Variants in ERC2 observed in about 807,000 individuals in gnomAD.
ERC2 encodes ERC protein 2.
In ERC2, 42 loss-of-function variants were observed where a neutral mutation model predicts 114.8. The observed-to-expected ratio is 0.37, with a 90% CI of 0.29 to 0.47. The LOEUF (loss-of-function observed/expected upper bound fraction) is 0.47, where lower values mean the gene tolerates loss of function less well. Ranked by LOEUF, ERC2 falls within the 20% of genes least tolerant of loss-of-function variation. ERC2 has a pLI of 0.99. For synonymous variants in ERC2, 454 were observed against 425.5 expected (o/e 1.07, Z -0.82); for missense variants, 939 against 1,150.7 (o/e 0.82, Z 2.66).
At chr3:56,178,419 A>G (rs1178526977) in intron 3 of ERC2, among the ~76,000 whole-genome samples, 2 of 152,196 alleles carry the variant, frequency 1.3e-5, no homozygotes, top group African/African-American at 4.8e-5. Context: ...TTCTTGCACA[A>G]GAGCAAGAAA....
At chr3:55,714,677 A>G (rs1212837683) in intron 15 of ERC2, among the ~76,000 whole-genome samples, 120 of 8,270 alleles carry the variant, frequency 0.015, no homozygotes, top group African/African-American at 0.036. Context: ...GTATATATAT[A>G]TATATATATA....
chr3:56,087,881 AG>A (rs1406810052), intron 6 of ERC2, among the ~76,000 whole-genome samples: 13 of 152,200 alleles, frequency 8.5e-5, no homozygotes, highest in African/African-American at 3.1e-4. Context: ...CAAAGTTGGA[AG>A]TACGCATAAT....
intron 17 of ERC2, among the ~76,000 whole-genome samples, chr3:55,610,002 G>T (rs1367525719): frequency 6.7e-6 from 1 of 150,056 alleles, no homozygotes; most frequent in South Asian, 2.1e-4. Flanking sequence ...GCATCAAAAT[G>T]GGGCATTTTC....
intron 12 of ERC2, among the ~76,000 whole-genome samples, chr3:55,957,014 A>G (rs2068004778): frequency 6.6e-6 from 1 of 152,218 alleles, no homozygotes; most frequent in Non-Finnish European, 1.5e-5. Context: ...TACTTAAAAA[A>G]GACATCATTT....
intron 1 of ERC2, among the ~76,000 whole-genome samples, chr3:56,454,595 TAAAAA>T (rs959351176): frequency 4.6e-5 from 7 of 152,038 alleles, no homozygotes; most frequent in East Asian, 1.9e-4. Context: ...TATTCATCCT[TAAAAA>T]AGAAATGAGG....
At chr3:56,216,856 T>C (rs2049515811) in intron 3 of ERC2, among the ~76,000 whole-genome samples, 1 of 152,188 alleles carries the variant, frequency 6.6e-6, no homozygotes. Flanking sequence ...TCAATAAAAA[T>C]AATCCAGCAT....
At chr3:55,572,241 G>A (rs1415879933) in intron 17 of ERC2, among the ~76,000 whole-genome samples, 1 of 152,182 alleles carries the variant, frequency 6.6e-6, no homozygotes, top group East Asian at 1.9e-4. Flanking sequence ...TGGCCTGGGA[G>A]ACAGGCAGGC....
intron 2 of ERC2, among the ~76,000 whole-genome samples, chr3:56,300,692 T>C (rs2055813833): frequency 6.6e-6 from 1 of 152,240 alleles, no homozygotes; most frequent in Non-Finnish European, 1.5e-5. Context: ...GCAACTGTTA[T>C]GATCTCCACT....
At chr3:55,888,572 T>C (rs1370089053) in intron 13 of ERC2, 23 bp from the exon 14 acceptor site, 19 of 1,611,614 alleles carry the variant, frequency 1.2e-5, no homozygotes, top group African/African-American at 8.0e-5. Context: ...TGGAGCTCTG[T>C]GTGTTATTTC....
At chr3:56,234,203 A>G (rs2050798488) in intron 3 of ERC2, among the ~76,000 whole-genome samples, 1 of 152,222 alleles carries the variant, frequency 6.6e-6, no homozygotes, top group Non-Finnish European at 1.5e-5. Context: ...CAAGACAAAG[A>G]GTAGCAGCAT....
At chr3:56,130,395 A>T (rs951174178) in intron 6 of ERC2, among the ~76,000 whole-genome samples, 1 of 152,200 alleles carries the variant, frequency 6.6e-6, no homozygotes, top group Non-Finnish European at 1.5e-5. Flanking sequence ...AATTTTCCTA[A>T]TCCATTTAGT....
intron 4 of ERC2, among the ~76,000 whole-genome samples, chr3:56,155,276 T>C (rs1401291911): frequency 1.3e-5 from 2 of 150,308 alleles, no homozygotes; most frequent in African/African-American, 4.9e-5. Flanking sequence ...CTTTTAACTC[T>C]AGGAAGGCCA....
chr3:55,954,507 T>A (rs996579999), intron 12 of ERC2, among the ~76,000 whole-genome samples: 4 of 152,162 alleles, frequency 2.6e-5, no homozygotes, highest in Non-Finnish European at 4.4e-5. Flanking sequence ...TAGAATTACA[T>A]AGCTAGGAGT....
chr3:56,051,406 T>C (rs983774909), intron 7 of ERC2, among the ~76,000 whole-genome samples: 17 of 152,102 alleles, frequency 1.1e-4, no homozygotes, highest in African/African-American at 2.7e-4. Flanking sequence ...TCACACATAT[T>C]TTTTAGAAAA....
At chr3:55,931,753 T>A (rs577888773) in intron 13 of ERC2, among the ~76,000 whole-genome samples, 11 of 145,732 alleles carry the variant, frequency 7.5e-5, no homozygotes, top group East Asian at 2.0e-4. Flanking sequence ...AAGTATAATT[T>A]AAAAAAAAAA....
At chr3:55,730,836 G>C (rs2065212232) in intron 15 of ERC2, among the ~76,000 whole-genome samples, 1 of 152,200 alleles carries the variant, frequency 6.6e-6, no homozygotes, top group Non-Finnish European at 1.5e-5. Context: ...GGGTGACAGT[G>C]AGACCATGTC....
intron 17 of ERC2, among the ~76,000 whole-genome samples, chr3:55,543,159 G>A (rs2054511557): frequency 6.6e-6 from 1 of 152,078 alleles, no homozygotes; most frequent in Admixed American, 6.5e-5. Context: ...CTCGTCTCTG[G>A]GGGAGTGGAG....
chr3:55,753,999 T>C (rs2066889894), intron 14 of ERC2, among the ~76,000 whole-genome samples: 1 of 152,182 alleles, frequency 6.6e-6, no homozygotes, highest in Non-Finnish European at 1.5e-5. Flanking sequence ...TGAGGTATTA[T>C]ATAAGATAAA....
chr3:55,553,091 G>C (rs1052566202), intron 17 of ERC2, among the ~76,000 whole-genome samples: 1 of 127,710 alleles, frequency 7.8e-6, no homozygotes, highest in African/African-American at 2.9e-5. Context: ...GTGCAATCTC[G>C]GCTCACTGCA....
Sources: allele counts gnomAD v4.1 joint callset (sites outside exome capture counted in the v4.1 genomes callset), GRCh38; gene constraint gnomAD v4.1.1; transcripts MANE v1.5; gene names NCBI Gene and HGNC (gene_info 2026-07-23, HGNC 2026-07-21).